GABRG2: variants seen among roughly 807,000 people sequenced by gnomAD.
The protein encoded by GABRG2 is gamma-aminobutyric acid type A receptor subunit gamma2.
In GABRG2, 16 loss-of-function variants were observed where a neutral mutation model predicts 56.4. That is an observed-to-expected ratio of 0.28 (90% confidence interval 0.19 to 0.43). GABRG2 has a LOEUF of 0.43. Ranked by LOEUF, GABRG2 falls within the 20% of genes least tolerant of loss-of-function variation. GABRG2 has a pLI of 1.00. For synonymous variants in GABRG2, 208 were observed against 205.5 expected (o/e 1.01, Z -0.10); for missense variants, 327 against 582.7 (o/e 0.56, Z 4.52).
chr5:162,152,285 T>A lies in GABRG2; in HGVS notation c.1152+532T>A, dbSNP rs367914586. The A allele has an allele frequency of 2.1e-3, 506 of 235,690 alleles. 6 individuals carry two copies. Among genetic ancestry groups the A allele is most frequent in the African/African-American group, 0.011 (470 of 43,158 alleles). The allele number at this position is 235,690 out of a possible 1,614,324, so 14.6% of individuals were successfully genotyped here. A position where few individuals can be genotyped will look rare whatever the true frequency, so the allele number is the denominator to read the frequency against. On this transcript the variant is annotated intron_variant, in intron 9 of 9. Coordinates refer to ENST00000639213, the MANE Select transcript of GABRG2 (RefSeq NM_198904.4). Reference sequence around the variant, plus strand: ...ATCCCTGAGCCTTTTGGCTCTACTATAATGTGTTGCAATGAGATTTCTATT... The same window carrying A: ...ATCCCTGAGCCTTTTGGCTCTACTAAAATGTGTTGCAATGAGATTTCTATT...
chr5:162,109,679 A>G (rs1762121724), intron 6 of GABRG2, among the ~76,000 whole-genome samples: 1 of 152,020 alleles, frequency 6.6e-6, no homozygotes, highest in Admixed American at 6.6e-5. Context: ...TCATTCATCA[A>G]TGAAATACAT....
In GABRG2 at chr5:162,154,942, C is replaced by T. The variant is rs1245807458; in HGVS notation, c.*1574C>T. ...CAGACTTAAAACATGATGAGTTGAG[C>T]TCTATCTTCATGTACTCATCCTGAA... On this transcript the variant is annotated 3_prime_UTR_variant, in exon 10 of 10. Transcript: ENST00000639213. 6.6e-6 allele frequency: 1 copy of T among 152,048 alleles called. No homozygotes were observed. Among genetic ancestry groups the T allele is most frequent in the Admixed American group, 6.6e-5 (1 of 15,238 alleles). The allele number at this position is 152,048 out of a possible 1,614,324, so 9.4% of individuals were successfully genotyped here.
At chr5:162,132,048 T>A (rs1044588637) in intron 6 of GABRG2, among the ~76,000 whole-genome samples, 1 of 151,680 alleles carries the variant, frequency 6.6e-6, no homozygotes, top group Non-Finnish European at 1.5e-5. Context: ...AAATATTGAT[T>A]AATTACAACC....
At chr5:162,151,076 G>C (rs1343301974) in intron 8 of GABRG2, 3 of 152,472 alleles carry the variant, frequency 2.0e-5, no homozygotes, top group African/African-American at 7.2e-5. Context: ...AAGTTCTGAT[G>C]AGTCCTTTGG....
At chr5:162,135,205 C>G (rs774891110) in intron 6 of GABRG2, among the ~76,000 whole-genome samples, 7 of 152,022 alleles carry the variant, frequency 4.6e-5, no homozygotes, top group Non-Finnish European at 8.8e-5. Context: ...TCTGATAAAG[C>G]TGATTTCCCT....
intron 1 of GABRG2, among the ~76,000 whole-genome samples, chr5:162,078,387 ATATATATATATTTTTTTTTTTT>A (rs1759339286): frequency 2.8e-5 from 1 of 35,778 alleles, no homozygotes; most frequent in Non-Finnish European, 5.4e-5. Flanking sequence ...ATATATATAT[ATATATATATATTTTTTTTTTTT>A]TTTTTTTTTT....
intron 5 of GABRG2, 159 bp downstream of exon 5, chr5:162,101,476 T>C: frequency 1.5e-6 from 1 of 685,748 alleles, no homozygotes; most frequent in Non-Finnish European, 2.6e-6. Context: ...TAATCCCAGC[T>C]TGCTCCGATT....
intron 6 of GABRG2, among the ~76,000 whole-genome samples, chr5:162,110,491 G>A (rs890696837): frequency 6.6e-6 from 1 of 152,026 alleles, no homozygotes; most frequent in African/African-American, 2.4e-5. Context: ...CTTTTAGGCT[G>A]TTTTAATTTA....
rs181828178 is a variant in GABRG2, at chr5:162,120,908, A to G, written c.769+16882A>G. ...CTTTCTTTAACCAAGATATTATTCA[A>G]TTAGATACTTTGTTCATTATTTGTT... On this transcript the variant is annotated intron_variant, in intron 6 of 9. Coordinates refer to ENST00000639213, the MANE Select transcript of GABRG2 (RefSeq NM_198904.4). Among the ~76,000 whole-genome samples the G allele has an allele frequency of 1.1e-3, 173 of 152,286 alleles. 1 individual carries two copies. Among genetic ancestry groups the G allele is most frequent in the African/African-American group, 3.9e-3 (164 of 41,578 alleles).
intron 6 of GABRG2, among the ~76,000 whole-genome samples, chr5:162,118,461 T>C (rs1316022100): frequency 1.3e-5 from 2 of 152,056 alleles, no homozygotes; most frequent in African/African-American, 4.8e-5. Context: ...GGACATATTA[T>C]CTCTGTCTCA....
intron 6 of GABRG2, among the ~76,000 whole-genome samples, chr5:162,113,740 G>A (rs927866863): frequency 6.6e-6 from 1 of 152,180 alleles, no homozygotes; most frequent in Non-Finnish European, 1.5e-5. Context: ...GAGTTATGTA[G>A]TATCAAAGAC....
chr5:162,074,321 A>G (rs775972426), intron 1 of GABRG2, among the ~76,000 whole-genome samples: 1 of 152,044 alleles, frequency 6.6e-6, no homozygotes, highest in Non-Finnish European at 1.5e-5. Context: ...AGTAGCACTG[A>G]TACAACACTC....
At chr5:162,074,984 T>TG (rs1416989849) in intron 1 of GABRG2, among the ~76,000 whole-genome samples, 1 of 152,142 alleles carries the variant, frequency 6.6e-6, no homozygotes, top group African/African-American at 2.4e-5. Flanking sequence ...CCTCCCACTA[T>TG]GGTAGGAGAT....
intron 1 of GABRG2, among the ~76,000 whole-genome samples, chr5:162,078,029 G>T (rs542620002): frequency 2.0e-5 from 3 of 152,180 alleles, no homozygotes; most frequent in African/African-American, 7.2e-5. Flanking sequence ...TCTGTCATAT[G>T]CTGTTGGTGA....
At chr5:162,130,823 T>C (rs1167143806) in intron 6 of GABRG2, among the ~76,000 whole-genome samples, 2 of 151,986 alleles carry the variant, frequency 1.3e-5, no homozygotes, top group African/African-American at 2.4e-5. Context: ...TCAAGAGAGA[T>C]GTGGATGTGG....
chr5:162,071,961 A>T (rs2113116245), intron 1 of GABRG2, among the ~76,000 whole-genome samples: 1 of 152,030 alleles, frequency 6.6e-6, no homozygotes, highest in African/African-American at 2.4e-5. Context: ...CTCATCACCC[A>T]GTATTTCCCA....
intron 1 of GABRG2, among the ~76,000 whole-genome samples, chr5:162,082,429 A>G (rs1759739941): frequency 6.6e-6 from 1 of 151,740 alleles, no homozygotes; most frequent in Admixed American, 6.6e-5. Flanking sequence ...TATTATATAA[A>G]CCTTTTTGAC....
At chr5:162,081,221 T>A (rs1759638622) in intron 1 of GABRG2, among the ~76,000 whole-genome samples, 1 of 152,112 alleles carries the variant, frequency 6.6e-6, no homozygotes, top group Non-Finnish European at 1.5e-5. Context: ...AAAAATTTTT[T>A]AAAATTTTAA....
chr5:162,131,477 CTCT>C (rs1339703374), intron 6 of GABRG2, among the ~76,000 whole-genome samples: 2 of 151,924 alleles, frequency 1.3e-5, no homozygotes, highest in African/African-American at 2.4e-5. Context: ...CCCAACTATA[CTCT>C]TCTTCTTTCT....
Sources: allele counts gnomAD v4.1 joint callset (sites outside exome capture counted in the v4.1 genomes callset), GRCh38; gene constraint gnomAD v4.1.1; transcripts MANE v1.5; gene names NCBI Gene and HGNC (gene_info 2026-07-23, HGNC 2026-07-21).